STIM2: variants seen among roughly 807,000 people sequenced by gnomAD.
STIM2 encodes the protein stromal interaction molecule 2.
Under a neutral mutation model 85.8 loss-of-function variants are expected in STIM2, and 31 were observed. The observed-to-expected ratio is 0.36, with a 90% CI of 0.27 to 0.49. STIM2 has a LOEUF of 0.49. STIM2 is among the 20% of genes least tolerant of loss of function. The pLI, the probability that STIM2 is intolerant of heterozygous loss-of-function variation, is 0.98. For synonymous variants in STIM2, 356 were observed against 331.1 expected (o/e 1.08, Z -0.82); for missense variants, 841 against 927.6 (o/e 0.91, Z 1.21).
chr4:26,969,349 G>A (rs1726844410), intron 3 of STIM2, among the ~76,000 whole-genome samples: 1 of 152,084 alleles, frequency 6.6e-6, no homozygotes, highest in South Asian at 2.1e-4. Context: ...TTTTAAATTG[G>A]CTTATGCATT....
At chr4:26,890,114 T>C (rs1344145495) in intron 1 of STIM2, among the ~76,000 whole-genome samples, 1 of 152,176 alleles carries the variant, frequency 6.6e-6, no homozygotes, top group African/African-American at 2.4e-5. Flanking sequence ...ACTATCCCTG[T>C]CCCAGAAAGG....
rs773747914 is a variant in STIM2 at position 26,871,398 on chromosome 4, C to T, written c.151+10029C>T. On this transcript the variant is annotated intron_variant, in intron 1 of 11. Coordinates refer to ENST00000467087, the MANE Select transcript of STIM2 (RefSeq NM_020860.4). The stretch of plus-strand genomic sequence containing the variant: ...TTGTGATTAATGTTACATTGTAGAT[C>T]TTTATTGTCCAATGGCCTTATGAGT... 1.6e-4 allele frequency among the ~76,000 whole-genome samples: 25 copies of T among 152,138 alleles called. 1 individual carries two copies. Among genetic ancestry groups the T allele is most frequent in the Admixed American group, 1.3e-4 (2 of 15,268 alleles).
chr4:27,010,170 G>A (rs16878692), intron 10 of STIM2, among the ~76,000 whole-genome samples: 2,943 of 152,240 alleles, frequency 0.019, 102 homozygotes, highest in African/African-American at 0.068. Context: ...GTTGTGATCA[G>A]GCCAGGCACG....
intron 11 of STIM2, among the ~76,000 whole-genome samples, chr4:27,020,410 T>C (rs145782100): frequency 6.6e-6 from 1 of 152,354 alleles, no homozygotes; most frequent in Admixed American, 6.5e-5. Flanking sequence ...TTTCCTCATA[T>C]CTGAACTGCT....
intron 4 of STIM2, among the ~76,000 whole-genome samples, chr4:26,997,044 T>TG (rs1332396321): frequency 2.6e-5 from 4 of 152,130 alleles, no homozygotes; most frequent in African/African-American, 9.7e-5. Flanking sequence ...TAACTTCAGT[T>TG]TTCAGGTCAG....
intron 1 of STIM2, among the ~76,000 whole-genome samples, chr4:26,870,570 T>A (rs1051378165): frequency 2.0e-5 from 3 of 152,158 alleles, no homozygotes; most frequent in Non-Finnish European, 1.5e-5. Flanking sequence ...ATTTAAAAAA[T>A]TTTTAACTGA....
In STIM2 at chr4:27,002,411, CAT is replaced by C. The variant is rs1728186902; in HGVS notation, c.803+19_803+20del. On this transcript the variant is annotated intron_variant, in intron 6 of 11. Transcript: ENST00000467087. ...ACAGGAGAGGTAAGTTCAGAAAAAT[CAT>C]AACTCATTTATGTAGGCAAATACAA... 2 of 1,573,882 alleles carry C rather than the reference CAT, an allele frequency of 1.3e-6. No homozygotes were observed. The highest frequency in any genetic ancestry group is 1.2e-5 in the South Asian group (1 of 84,122).
At chr4:26,970,208 T>G (rs956577605) in intron 3 of STIM2, among the ~76,000 whole-genome samples, 5 of 10,364 alleles carry the variant, frequency 4.8e-4, no homozygotes, top group Non-Finnish European at 1.3e-3. Flanking sequence ...TGTATATATA[T>G]ATATATATAT....
chr4:26,929,515 G>T (rs1273127233), intron 2 of STIM2, among the ~76,000 whole-genome samples: 2 of 151,918 alleles, frequency 1.3e-5, no homozygotes, highest in Non-Finnish European at 2.9e-5. Flanking sequence ...TGTGATTTTA[G>T]CCCAAATTTT....
intron 1 of STIM2, among the ~76,000 whole-genome samples, chr4:26,872,693 G>C (rs1013247276): frequency 6.6e-6 from 1 of 152,168 alleles, no homozygotes; most frequent in Non-Finnish European, 1.5e-5. Flanking sequence ...ATGAGATTGA[G>C]GTTTTTGTTC....
chr4:26,957,891 T>C (rs1418597162), intron 3 of STIM2, among the ~76,000 whole-genome samples, 165 bp downstream of exon 3: 4 of 152,198 alleles, frequency 2.6e-5, no homozygotes, highest in Non-Finnish European at 5.9e-5. Flanking sequence ...TTTTGATAGA[T>C]GATTTTTATC....
intron 2 of STIM2, among the ~76,000 whole-genome samples, chr4:26,943,475 G>A (rs572709662): frequency 8.5e-5 from 13 of 152,158 alleles, no homozygotes; most frequent in African/African-American, 2.6e-4. Context: ...ACTTAGGCTC[G>A]CACCTGGATC....
intron 2 of STIM2, among the ~76,000 whole-genome samples, chr4:26,949,490 CTA>C (rs1725967318): frequency 6.6e-6 from 1 of 152,046 alleles, no homozygotes; most frequent in Non-Finnish European, 1.5e-5. Context: ...TCAATGAGAA[CTA>C]TGTGTGGTTT....
chr4:27,022,451 G>A (rs1728944575), intron 11 of STIM2, 68 bp from the exon 12 acceptor site: 2 of 1,269,274 alleles, frequency 1.6e-6, no homozygotes, highest in Non-Finnish European at 1.1e-6. Flanking sequence ...GTTTTAGTTA[G>A]AATGTCTGCT....
In STIM2 at chr4:26,927,484, ATC is replaced by A; in HGVS notation, c.282+7851_282+7852del. ...TCATAGGTGGGAATTGAACAATGAG[ATC>A]ACATGGACACAGGAAGGGGAATATC... is the stretch of plus-strand genomic sequence containing the variant. On this transcript the variant is annotated intron_variant, in intron 2 of 11. Transcript: ENST00000467087. Among the ~76,000 whole-genome samples, 2 of 51,622 alleles carry A rather than the reference ATC, an allele frequency of 3.9e-5. 1 individual carries two copies. The highest frequency in any genetic ancestry group is 1.4e-3 in the South Asian group (2 of 1,452). The allele number at this position is 51,622 out of a possible 152,430, so 33.9% of individuals were successfully genotyped here.
chr4:26,929,418 A>G (rs1323639749), intron 2 of STIM2, among the ~76,000 whole-genome samples: 2 of 152,122 alleles, frequency 1.3e-5, no homozygotes, highest in East Asian at 3.9e-4. Context: ...AGCAATAATT[A>G]TTTTATGGAC....
chr4:26,915,478 G>A (rs574708577), intron 1 of STIM2, among the ~76,000 whole-genome samples: 19 of 152,108 alleles, frequency 1.2e-4, no homozygotes, highest in East Asian at 1.2e-3. Flanking sequence ...CAGGTGATCC[G>A]CCTGCCTCAG....
chr4:26,867,370 T>C (rs1241072795), intron 1 of STIM2, among the ~76,000 whole-genome samples: 6 of 152,230 alleles, frequency 3.9e-5, no homozygotes, highest in Admixed American at 1.3e-4. Flanking sequence ...ATCGGGCTTA[T>C]GTGATGATTT....
rs565107375 is a variant in STIM2 at position 26,952,011 on chromosome 4, C to T, written c.283-5601C>T. 1.3e-5 allele frequency among the ~76,000 whole-genome samples: 2 copies of T among 152,214 alleles called. 1 individual carries two copies. The highest frequency in any genetic ancestry group is 4.8e-5 in the African/African-American group (2 of 41,532). ...AGAGAAAATGAGGAAGATTCAAAAG[C>T]AGAAACCCCTGATAAGACCAAGACC... is the stretch of plus-strand genomic sequence containing the variant. On this transcript the variant is annotated intron_variant, in intron 2 of 11. Transcript: ENST00000467087.
Sources: gnomAD v4.1 joint callset for allele counts (sites outside exome capture counted in the v4.1 genomes callset) on GRCh38, gnomAD v4.1.1 for gene constraint, MANE v1.5 for transcripts, NCBI Gene and HGNC (gene_info 2026-07-23, HGNC 2026-07-21) for gene names.